The following ZNF646 variants were observed in gnomAD, a reference collection of about 807,000 sequenced individuals.
The protein encoded by ZNF646 is zinc finger protein 646.
A neutral mutation model predicts 115.4 loss-of-function variants in ZNF646; 49 were observed. That is an observed-to-expected ratio of 0.42 (90% CI 0.34 to 0.54). ZNF646 has a LOEUF of 0.54. Among genes scored for constraint, ZNF646 ranks in the 20% least tolerant of loss-of-function variants. The probability of loss-of-function intolerance (pLI) is 0.04; values close to 1 mark genes in which losing one functional copy is unlikely to be tolerated. For missense variants in ZNF646, 2,269 were observed against 2,457.9 expected (o/e 0.92, Z 1.62); for synonymous variants, 933 against 939.0 (o/e 0.99, Z 0.12).
rs1297890443 is a variant in ZNF646 at position 31,078,281 on chromosome 16, T to G, written c.1957T>G (p.Phe653Val). The G allele has an allele frequency of 4.3e-6, 7 of 1,613,696 alleles. No homozygotes were observed. The highest frequency in any genetic ancestry group is 5.9e-6 in the Non-Finnish European group (7 of 1,179,908). ...CAGTTGTGGGGCCTGTGCCAAGCAC[T>G]TCCACACCATGGCTGCCATGAAGAA... is the stretch of plus-strand genomic sequence containing the variant. ...DFSCGACAKH[F>V]HTMAAMKNHL... Residue 653 changes from phenylalanine (F) to valine (V), a missense_variant, in exon 2 of 3, where the codon TTC (phenylalanine) becomes GTC (valine). Around this residue, in one of 5 missense-constraint regions of ZNF646, gnomAD observed 852 missense variants for 900.2 expected, o/e 0.95. Transcript: ENST00000300850.
chr16:31,081,679 G>A lies in ZNF646; in HGVS notation c.5355G>A (p.Glu1785=). 2 of 1,595,376 alleles carry A rather than the reference G, an allele frequency of 1.3e-6. No homozygotes were observed. The highest frequency in any genetic ancestry group is 1.7e-6 in the Non-Finnish European group (2 of 1,168,930). ...SFVQHQQQHQ[E]EWTVAGSGAP... is the part of the protein sequence containing the mutation. ...TGCAGCACCAGCAGCAGCACCAGGAGGAGTGGACGGTGGCCGGCTCCGGTA... is the reference window on the plus strand; with the variant it reads ...TGCAGCACCAGCAGCAGCACCAGGAAGAGTGGACGGTGGCCGGCTCCGGTA... Residue 1785 remains glutamate (E), a synonymous_variant, in exon 2 of 3, where the codon GAG becomes GAA. Transcript: ENST00000300850.
In ZNF646 at chr16:31,078,684, G is replaced by C; in HGVS notation, c.2360G>C (p.Ser787Thr). 6.2e-7 allele frequency: 1 copy of C among 1,614,154 alleles called. No individual in the cohort carries two copies. The highest frequency in any genetic ancestry group is 8.5e-7 in the Non-Finnish European group (1 of 1,180,026). ...EEGGGTHFCD[S>T]LTGVDEDQKP... ...GGTGGTGGCACTCACTTCTGCGATA[G>C]CCTCACTGGGGTGGATGAAGACCAG... Residue 787 changes from serine (S) to threonine (T), a missense_variant, in exon 2 of 3, where the codon AGC becomes ACC. This residue lies in a region of ZNF646 where 852 missense variants were observed against 900.2 expected (regional missense o/e 0.95). Transcript: ENST00000300850.
rs1441744689 is a variant in ZNF646 at position 31,081,411 on chromosome 16, A to G, written c.5087A>G (p.Gln1696Arg). The G allele has an allele frequency of 2.5e-6, 4 of 1,611,846 alleles. No individual in the cohort carries two copies. The African/African-American group carries it at 4.0e-5, about 16-fold the overall frequency. The change falls in exon 2 of 3, where the codon CAG becomes CGG. Residue 1696 changes from glutamine (Q) to arginine (R), a missense_variant. Around this residue, in one of 5 missense-constraint regions of ZNF646, gnomAD observed 1,062 missense variants for 1,172.8 expected, o/e 0.91. Coordinates refer to ENST00000300850, the MANE Select transcript of ZNF646 (RefSeq NM_014699.4). ...CATGCTGGCAGCCTGCTGAACCACC[A>G]GAAGGCCCACACCACAGGGTTGTAC... The part of the protein sequence containing the change: ...YRHAGSLLNH[Q>R]KAHTTGLYPC...
At position 31,081,693 on chromosome 16, in the gene ZNF646, C is replaced by A; in HGVS notation, c.5369C>A (p.Ala1790Asp). The change falls in exon 2 of 3, where the codon GCC (alanine) becomes GAC (aspartate). Residue 1790 changes from alanine to aspartate, a missense_variant. By Grantham distance (126) the Ala-to-Asp change is moderately radical (BLOSUM62 -2). Transcript: ENST00000300850. ...CAGCACCAGGAGGAGTGGACGGTGG[C>A]CGGCTCCGGTAGGGGGCATGAAGGG... ...QQQHQEEWTV[A>D]GSGAPVAPVT... 6.3e-7 allele frequency: 1 copy of A among 1,584,512 alleles called. No homozygotes were observed. The highest frequency in any genetic ancestry group is 1.2e-5 in the South Asian group (1 of 86,518).
chr16:31,081,335 G>A lies in ZNF646; in HGVS notation c.5011G>A (p.Glu1671Lys), dbSNP rs1269627130. ...ACAAGCGGTGACGTCCATGGCGGCT[G>A]AGGACAAGGAGCGGCCCTTCCGCTG... ...GGQAVTSMAA[E>K]DKERPFRCTQ... The change falls in exon 2 of 3, where the codon GAG becomes AAG. Residue 1671 changes from glutamate (E) to lysine (K), a missense_variant. By Grantham distance (56) the Glu-to-Lys change is moderately conservative. Around this residue, in one of 5 missense-constraint regions of ZNF646, gnomAD observed 1,062 missense variants for 1,172.8 expected, o/e 0.91. Coordinates refer to ENST00000300850, the MANE Select transcript of ZNF646 (RefSeq NM_014699.4). 1 of 1,613,958 alleles carries A rather than the reference G, an allele frequency of 6.2e-7. No individual in the cohort carries two copies.
upstream of ZNF646, chr16:31,073,362 A>G (rs1476282818): frequency 6.7e-6 from 1 of 148,670 alleles, no homozygotes; most frequent in African/African-American, 2.4e-5. Flanking sequence ...CGACCGGGAC[A>G]AAAACCCAAA....
rs772284833 is a variant in ZNF646 at position 31,083,134 on chromosome 16, G to A, written c.*42G>A. On this transcript the variant is annotated 3_prime_UTR_variant, in exon 3 of 3. Coordinates refer to ENST00000300850, the MANE Select transcript of ZNF646 (RefSeq NM_014699.4). ...GATCAGAATCTGGGGGAGGGAGCGCGTGCAGGGAGGGGCTTGATCTCCACA... is the reference window on the plus strand; with the variant it reads ...GATCAGAATCTGGGGGAGGGAGCGCATGCAGGGAGGGGCTTGATCTCCACA... 1.1e-5 allele frequency: 17 copies of A among 1,584,630 alleles called. No individual in the cohort carries two copies. Among genetic ancestry groups the A allele is most frequent in the Middle Eastern group, 3.7e-4 (2 of 5,468 alleles).
intron 2 of ZNF646, chr16:31,081,969 C>A: frequency 1.9e-6 from 1 of 521,758 alleles, no homozygotes; most frequent in Non-Finnish European, 3.4e-6. Context: ...TCCTCCATTA[C>A]ACTGTAGCCA....
In ZNF646 at chr16:31,083,955, T is replaced by C; in HGVS notation, c.*863T>C. On this transcript the variant is annotated 3_prime_UTR_variant, in exon 3 of 3. Coordinates refer to ENST00000300850, the MANE Select transcript of ZNF646 (RefSeq NM_014699.4). ...GGCTCAAAGCGGTTGAGCAGCCTGC[T>C]CCAAGTCACACGATGACAAAGAACC... 1 of 1,514,020 alleles carries C rather than the reference T, an allele frequency of 6.6e-7. No individual in the cohort carries two copies. Among genetic ancestry groups the C allele is most frequent in the Non-Finnish European group, 8.9e-7 (1 of 1,126,842 alleles). The allele number at this position is 1,514,020 out of a possible 1,614,324, so 93.8% of individuals were successfully genotyped here.
upstream of ZNF646, chr16:31,073,769 G>A (rs996911656): frequency 6.6e-6 from 1 of 152,322 alleles, no homozygotes; most frequent in African/African-American, 2.4e-5. Context: ...GGGCGGGGAG[G>A]TGGGACCGGT....
At position 31,083,531 on chromosome 16, in the gene ZNF646, AT is replaced by A; in HGVS notation, c.*440del. On this transcript the variant is annotated 3_prime_UTR_variant, in exon 3 of 3. Coordinates refer to ENST00000300850, the MANE Select transcript of ZNF646 (RefSeq NM_014699.4). ...AAAACAACGTGGCTGGCGTGATTGTATCTGAAAGGGTAAAGGAGGAGGAAAG... is the reference window on the plus strand; with the variant it reads ...AAAACAACGTGGCTGGCGTGATTGTACTGAAAGGGTAAAGGAGGAGGAAAG... 7.2e-7 allele frequency: 1 copy of A among 1,392,896 alleles called. No homozygotes were observed. Among genetic ancestry groups the A allele is most frequent in the Admixed American group, 3.4e-5 (1 of 29,848 alleles). 86.3% of individuals were successfully genotyped at this position (1,392,896 alleles called of 1,614,324 possible).
Position 31,079,717 on chromosome 16 carries a change from A to G in ZNF646, c.3393A>G (p.Gly1131=), listed in dbSNP as rs763987910. 8.9e-5 allele frequency: 144 copies of G among 1,613,506 alleles called. 1 individual carries two copies. Among genetic ancestry groups the G allele is most frequent in the Non-Finnish European group, 9.3e-5 (110 of 1,179,988 alleles). The change falls in exon 2 of 3, where the codon GGA becomes GGG. Residue 1131 remains glycine (G), a synonymous_variant. Transcript: ENST00000300850. The surrounding 1 kb of genome is among the most constrained non-coding windows in gnomAD (Gnocchi z 5.5). Reference sequence around the variant, plus strand: ...TGCAGGTTGGGCCCATCCCAGAAGGAGGCAGCAACAAGCCCCAGCACATGG... The same window carrying G: ...TGCAGGTTGGGCCCATCCCAGAAGGGGGCAGCAACAAGCCCCAGCACATGG... ...SELQVGPIPE[G]GSNKPQHMAE...
chr16:31,079,391 A>C lies in ZNF646; in HGVS notation c.3067A>C (p.Lys1023Gln), dbSNP rs765466425. Residue 1023 changes from lysine (K) to glutamine (Q), a missense_variant, in exon 2 of 3, where the codon AAG becomes CAG. Lys to Gln is a moderately conservative substitution (Grantham distance 53, BLOSUM62 1). Around this residue, in one of 5 missense-constraint regions of ZNF646, gnomAD observed 1,062 missense variants for 1,172.8 expected, o/e 0.91. Transcript: ENST00000300850. The surrounding 1 kb of genome is among the most constrained non-coding windows in gnomAD (Gnocchi z 5.5). ...NSVSGEGGDA[K>Q]SQEGAGTPLG... The stretch of plus-strand genomic sequence containing the variant: ...TGTCTCTGGAGAGGGTGGAGATGCC[A>C]AGTCTCAAGAGGGAGCAGGCACCCC... The C allele has an allele frequency of 6.2e-7, 1 of 1,614,108 alleles. No homozygotes were observed. The highest frequency in any genetic ancestry group is 1.1e-5 in the South Asian group (1 of 91,082).
chr16:31,081,439 G>C lies in ZNF646; in HGVS notation c.5115G>C (p.Pro1705=). The C allele has an allele frequency of 6.2e-7, 1 of 1,614,136 alleles. No individual in the cohort carries two copies. The highest frequency in any genetic ancestry group is 1.1e-5 in the South Asian group (1 of 91,088). ...AGGCCCACACCACAGGGTTGTACCC[G>C]TGCTCCCTCTGTCCCAAACTTCTCC... ...HQKAHTTGLY[P]CSLCPKLLPN... is the part of the protein sequence containing the mutation. The change falls in exon 2 of 3, where the codon CCG becomes CCC. Residue 1705 remains proline (P), a synonymous_variant. Coordinates refer to ENST00000300850, the MANE Select transcript of ZNF646 (RefSeq NM_014699.4).
rs778424312 is a variant in ZNF646 at position 31,078,667 on chromosome 16, C to T, written c.2343C>T (p.Gly781=). The part of the protein sequence containing the change: ...NLDIPGEEGG[G]THFCDSLTGV... ...ACATCCCAGGTGAGGAAGGTGGTGG[C>T]ACTCACTTCTGCGATAGCCTCACTG... The change falls in exon 2 of 3, where the codon GGC becomes GGT. Residue 781 remains glycine (G), a synonymous_variant. Coordinates refer to ENST00000300850, the MANE Select transcript of ZNF646 (RefSeq NM_014699.4). 1 of 1,614,178 alleles carries T rather than the reference C, an allele frequency of 6.2e-7. No individual in the cohort carries two copies. Among genetic ancestry groups the T allele is most frequent in the South Asian group, 1.1e-5 (1 of 91,090 alleles).
At chr16:31,073,140 G>C (rs1195692842), upstream of ZNF646, 1 of 152,382 alleles carries the variant, frequency 6.6e-6, no homozygotes, top group African/African-American at 2.4e-5. Flanking sequence ...TGGAGGGCAG[G>C]ACCCCGGTTA....
Position 31,080,329 on chromosome 16 carries a change from C to T in ZNF646, c.4005C>T (p.Tyr1335=), listed in dbSNP as rs1420603295. The change falls in exon 2 of 3, where the codon TAC becomes TAT. Residue 1335 remains tyrosine (Y), a synonymous_variant. Transcript: ENST00000300850. ...GCTGCCCCACCTGCCCCAAGACCTA[C>T]TCCAACCGCATGGCCCTGAAGGACC... ...QYSCPTCPKT[Y]SNRMALKDHQ... 2 of 1,613,486 alleles carry T rather than the reference C, an allele frequency of 1.2e-6. No homozygotes were observed. Among genetic ancestry groups the T allele is most frequent in the Admixed American group, 1.7e-5 (1 of 60,012 alleles).
rs750909971 is a variant in ZNF646, at chr16:31,076,581, A to G, written c.257A>G (p.Asn86Ser). The change falls in exon 2 of 3, where the codon AAT (asparagine) becomes AGT (serine). Residue 86 changes from asparagine (N) to serine (S), a missense_variant. Physicochemically the swap from Asn to Ser is conservative, Grantham distance 46. This residue lies in a region of ZNF646 where 334 missense variants were observed against 323.5 expected (regional missense o/e 1.03). Coordinates refer to ENST00000300850, the MANE Select transcript of ZNF646 (RefSeq NM_014699.4). ...PCTTCGKDFS[N>S]PMALKSHMRT... ...ACCACCTGTGGCAAGGACTTCTCCA[A>G]TCCCATGGCTCTCAAGAGCCATATG... 11 of 1,612,304 alleles carry G rather than the reference A, an allele frequency of 6.8e-6. No homozygotes were observed. Among genetic ancestry groups the G allele is most frequent in the Non-Finnish European group, 9.3e-6 (11 of 1,179,130 alleles).
In ZNF646 at chr16:31,081,465, C is replaced by G. The variant is rs770974587; in HGVS notation, c.5141C>G (p.Pro1714Arg). The stretch of plus-strand genomic sequence containing the variant: ...TGCTCCCTCTGTCCCAAACTTCTCC[C>G]TAACCTGCTGTCTCTTAAGAACCAC... ...YPCSLCPKLL[P>R]NLLSLKNHSR... Residue 1714 changes from proline (P) to arginine (R), a missense_variant, in exon 2 of 3, where the codon CCT (proline) becomes CGT (arginine). Pro to Arg is a moderately radical substitution (Grantham distance 103). Around this residue, in one of 5 missense-constraint regions of ZNF646, gnomAD observed 1,062 missense variants for 1,172.8 expected, o/e 0.91. Transcript: ENST00000300850. 6.8e-6 allele frequency: 11 copies of G among 1,614,218 alleles called. No individual in the cohort carries two copies. The South Asian group carries it at 1.1e-4, about 16-fold the overall frequency.
Sources: allele counts gnomAD v4.1 joint callset, GRCh38; gene constraint gnomAD v4.1.1; regional missense constraint gnomAD v4.1.1; non-coding constraint Gnocchi (gnomAD v3.1); transcripts MANE v1.5; gene names NCBI Gene and HGNC (gene_info 2026-07-23, HGNC 2026-07-21).